The following ACBD5 variants were observed in gnomAD, a reference collection of about 807,000 sequenced individuals.
ACBD5 encodes acyl-CoA binding domain containing 5, also known as acyl-CoA-binding domain-containing protein 5.
Under a neutral mutation model 71.8 loss-of-function variants are expected in ACBD5, and 40 were observed. The observed-to-expected ratio is 0.56, with a 90% confidence interval of 0.43 to 0.72. The LOEUF (loss-of-function observed/expected upper bound fraction) is 0.72. Among genes scored for constraint, ACBD5 ranks in the 30% least tolerant of loss-of-function variants. ACBD5 has a pLI of 0.00. For missense variants in ACBD5, 559 were observed against 644.5 expected (o/e 0.87, Z 1.44); for synonymous variants, 229 against 218.6 (o/e 1.05, Z -0.42).
intron 4 of ACBD5, among the ~76,000 whole-genome samples, chr10:27,225,106 C>T (rs2780678): frequency 0.71 from 102,849 of 145,454 alleles, 36,529 homozygotes; most frequent in Admixed American, 0.72. Flanking sequence ...GACAGCGTCT[C>T]GCTCCATCAT....
At chr10:27,214,696 C>T (rs2061441129) in intron 8 of ACBD5, among the ~76,000 whole-genome samples, 1 of 152,162 alleles carries the variant, frequency 6.6e-6, no homozygotes, top group South Asian at 2.1e-4. Context: ...ATTATTTCCA[C>T]TAAAAATTTC....
Position 27,218,154 on chromosome 10 carries a change from G to C in ACBD5, c.655C>G (p.His219Asp). 1 of 1,613,884 alleles carries C rather than the reference G, an allele frequency of 6.2e-7. No homozygotes were observed. Among genetic ancestry groups the C allele is most frequent in the South Asian group, 1.1e-5 (1 of 91,068 alleles). The stretch of plus-strand genomic sequence containing the variant: ...GTGACAATGACTTCCAAATTCTTAT[G>C]GTCTGCTGACTTCTTCATCATTTTC... ...DKKMMKKSAD[H>D]KNLEVIVTNG... Residue 219 changes from histidine (H) to aspartate (D), a missense_variant, in exon 7 of 13, where the codon CAT (histidine) becomes GAT (aspartate). Coordinates refer to ENST00000396271, the MANE Select transcript of ACBD5 (RefSeq NM_145698.5).
chr10:27,235,689 T>A (rs1276893683), intron 2 of ACBD5, among the ~76,000 whole-genome samples: 1 of 152,262 alleles, frequency 6.6e-6, no homozygotes, highest in East Asian at 1.9e-4. Context: ...GTATACACTA[T>A]GGTAGAAAAA....
Position 27,240,175 on chromosome 10 carries a change from A to G in ACBD5, c.181+144T>C. The G allele has an allele frequency of 7.9e-7, 1 of 1,261,574 alleles. No individual in the cohort carries two copies. The highest frequency in any genetic ancestry group is 1.1e-6 in the Non-Finnish European group (1 of 917,334). 78.1% of individuals were successfully genotyped at this position (1,261,574 alleles called of 1,614,324 possible). Reference sequence around the variant, plus strand: ...CGGTTTGGAAGATCAAAAGGTAATTAATTCATATTCAATAGCTCCCCTTCC... The same window carrying G: ...CGGTTTGGAAGATCAAAAGGTAATTGATTCATATTCAATAGCTCCCCTTCC... On this transcript the variant is annotated intron_variant, in intron 2 of 12. Coordinates refer to ENST00000396271, the MANE Select transcript of ACBD5 (RefSeq NM_145698.5). This position sits in a 1 kb window ranked among gnomAD's most constrained non-coding sequence, Gnocchi z 4.1.
At position 27,240,275 on chromosome 10, in the gene ACBD5, GCT is replaced by G; in HGVS notation, c.181+42_181+43del. The G allele has an allele frequency of 6.2e-7, 1 of 1,613,800 alleles. No individual in the cohort carries two copies. ...CCAGAAAGTGAAAGGGGGCTTTGGG[GCT>G]CTCTGCAGGAGGCGTCTACAGCCGG... On this transcript the variant is annotated intron_variant, in intron 2 of 12. Transcript: ENST00000396271. The surrounding 1 kb of genome is among the most constrained non-coding windows in gnomAD (Gnocchi z 4.1).
intron 10 of ACBD5, 80 bp downstream of exon 10, chr10:27,208,166 G>A (rs1464424395): frequency 7.3e-7 from 1 of 1,370,786 alleles, no homozygotes; most frequent in Non-Finnish European, 1.0e-6. Context: ...ATTAATTTAT[G>A]TCAATATGAT....
downstream of ACBD5, among the ~76,000 whole-genome samples, chr10:27,192,795 C>A (rs1434893653): frequency 1.3e-5 from 2 of 151,966 alleles, no homozygotes; most frequent in Admixed American, 6.6e-5. Flanking sequence ...TATGGTGACA[C>A]CCTGTCTGTA....
At chr10:27,228,189 T>A (rs1213070007) in intron 4 of ACBD5, among the ~76,000 whole-genome samples, 1 of 151,224 alleles carries the variant, frequency 6.6e-6, no homozygotes, top group Non-Finnish European at 1.5e-5. Flanking sequence ...CCATCTCTTT[T>A]TAAATTCAAC....
chr10:27,208,086 C>T (rs1263601535), intron 10 of ACBD5, among the ~76,000 whole-genome samples, 160 bp downstream of exon 10: 1 of 152,152 alleles, frequency 6.6e-6, no homozygotes, highest in Non-Finnish European at 1.5e-5. Context: ...TAATTAGTTT[C>T]TGGGTCAGTC....
rs920229588 is a variant in ACBD5 at position 27,208,845 on chromosome 10, T to TA, written c.1205-401dup. ...AGAGCGATACTCCATCTCAAAAAAA[T>TA]AAAAAAAAACTTCCAACGTGGAGTA... On this transcript the variant is annotated intron_variant, in intron 9 of 12. Transcript: ENST00000396271. 9.3e-5 allele frequency among the ~76,000 whole-genome samples: 14 copies of TA among 150,908 alleles called. No homozygotes were observed. In the South Asian group the frequency reaches 1.7e-3, roughly 18 times the overall value.
At chr10:27,198,355 T>C (rs1286059463) in intron 12 of ACBD5, among the ~76,000 whole-genome samples, 1 of 152,182 alleles carries the variant, frequency 6.6e-6, no homozygotes, top group African/African-American at 2.4e-5. Context: ...GTTAGCACCT[T>C]ACACCATCAC....
intron 2 of ACBD5, among the ~76,000 whole-genome samples, chr10:27,235,940 C>G (rs896258486): frequency 5.9e-5 from 9 of 152,032 alleles, no homozygotes; most frequent in African/African-American, 1.9e-4. Flanking sequence ...TAGCAAAACC[C>G]TGTCTCTACA....
At chr10:27,201,482 G>A (rs1197450139) in intron 12 of ACBD5, among the ~76,000 whole-genome samples, 1 of 152,206 alleles carries the variant, frequency 6.6e-6, no homozygotes, top group Non-Finnish European at 1.5e-5. Context: ...TAATTTTAAT[G>A]TTGAAGGAAA....
chr10:27,230,784 GAGACTCCATCTCAAAAAAAAAAAAAAAA>G, intron 4 of ACBD5, among the ~76,000 whole-genome samples: 1 of 105,250 alleles, frequency 9.5e-6, no homozygotes, highest in Middle Eastern at 6.8e-3. Context: ...GTAACAGAGT[GAGACTCCATCTCAAAAAAAAAAAAAAAA>G]AGACTCTATG....
downstream of ACBD5, among the ~76,000 whole-genome samples, chr10:27,191,272 A>C (rs1377181130): frequency 6.6e-6 from 1 of 152,204 alleles, no homozygotes; most frequent in Non-Finnish European, 1.5e-5. Context: ...AGAGACAGTA[A>C]AAGGATCTGT....
intron 10 of ACBD5, among the ~76,000 whole-genome samples, chr10:27,205,770 T>A (rs788207): frequency 0.18 from 27,390 of 151,522 alleles, 2,983 homozygotes; most frequent in East Asian, 0.28. Flanking sequence ...CCTCAGGTGA[T>A]CCACCCACCT....
chr10:27,208,183 A>T, intron 10 of ACBD5, 63 bp downstream of exon 10: 1 of 1,487,762 alleles, frequency 6.7e-7, no homozygotes, highest in Non-Finnish European at 9.4e-7. Flanking sequence ...TGATCAACGC[A>T]GACTCCACAT....
chr10:27,205,267 G>A lies in ACBD5; in HGVS notation c.1405-19C>T, dbSNP rs766758680. 93 of 1,609,910 alleles carry A rather than the reference G, an allele frequency of 5.8e-5. No individual in the cohort carries two copies. The highest frequency in any genetic ancestry group is 7.1e-5 in the Non-Finnish European group (84 of 1,177,406). ...ATTTTGCCTGTAAATGCAAATGAAG[G>A]TGACTTAGCCTTGAAAAAATGAAAA... is the stretch of plus-strand genomic sequence containing the variant. On this transcript the variant is annotated intron_variant, in intron 10 of 12. Coordinates refer to ENST00000396271, the MANE Select transcript of ACBD5 (RefSeq NM_145698.5).
intron 2 of ACBD5, among the ~76,000 whole-genome samples, chr10:27,237,497 G>A (rs987331507): frequency 3.9e-5 from 6 of 152,086 alleles, no homozygotes; most frequent in Admixed American, 1.3e-4. Context: ...TGGTTTAAAA[G>A]TAGTATTACA....
Sources: allele counts gnomAD v4.1 joint callset (sites outside exome capture counted in the v4.1 genomes callset), GRCh38; gene constraint gnomAD v4.1.1; non-coding constraint Gnocchi (gnomAD v3.1); transcripts MANE v1.5; gene names NCBI Gene and HGNC (gene_info 2026-07-23, HGNC 2026-07-21).